The following LDLRAD4 variants were observed in gnomAD, a reference collection of about 807,000 sequenced individuals.
LDLRAD4 encodes the protein low-density lipoprotein receptor class A domain-containing protein 4.
In LDLRAD4, 5 loss-of-function variants were observed where a neutral mutation model predicts 17.0. The ratio of observed to expected loss-of-function variants is 0.29; its 90% CI spans 0.15 to 0.62. The LOEUF (loss-of-function observed/expected upper bound fraction) is 0.62, where lower values mean the gene tolerates loss of function less well. Among genes scored for constraint, LDLRAD4 ranks in the 20% least tolerant of loss-of-function variants. LDLRAD4 has a pLI of 0.84. For missense variants in LDLRAD4, 340 were observed against 424.7 expected (o/e 0.80, Z 1.75); for synonymous variants, 168 against 171.8 (o/e 0.98, Z 0.17).
At chr18:13,643,024 G>A (rs545198012) in intron 4 of LDLRAD4, among the ~76,000 whole-genome samples, 20 of 150,432 alleles carry the variant, frequency 1.3e-4, no homozygotes, top group African/African-American at 4.4e-4. Context: ...CAACCTCCGC[G>A]TCCCAGGTTT....
At chr18:13,517,951 G>A (rs1238117058) in intron 3 of LDLRAD4, among the ~76,000 whole-genome samples, 1 of 152,122 alleles carries the variant, frequency 6.6e-6, no homozygotes, top group Non-Finnish European at 1.5e-5. Flanking sequence ...TGTTAGGATG[G>A]TCTCGATCTC....
chr18:13,330,583 G>C (rs113886370), intron 1 of LDLRAD4, among the ~76,000 whole-genome samples: 12 of 152,138 alleles, frequency 7.9e-5, no homozygotes, highest in Non-Finnish European at 1.5e-5. Context: ...GTAGCCTACA[G>C]CAATTATTTG....
chr18:13,272,666 T>A (rs1599036337), intron 1 of LDLRAD4, among the ~76,000 whole-genome samples: 1 of 152,202 alleles, frequency 6.6e-6, no homozygotes, highest in Non-Finnish European at 1.5e-5. Flanking sequence ...ACACAGGCGG[T>A]CATGCTTTAG....
In LDLRAD4 at chr18:13,530,442, A is replaced by G. The variant is rs1218322495; in HGVS notation, c.182-90675A>G. Among the ~76,000 whole-genome samples, 9 of 152,254 alleles carry G rather than the reference A, an allele frequency of 5.9e-5. No homozygotes were observed. The South Asian group carries it at 1.9e-3, about 31-fold the overall frequency. The stretch of plus-strand genomic sequence containing the variant: ...CATTCCGAGGCTTTAGATAGGGAGC[A>G]GCATGATTCTAGCAGTGCTGCGTGT... On this transcript the variant is annotated intron_variant, in intron 3 of 5. Transcript: ENST00000359446.
At chr18:13,250,973 C>A (rs1244922462) in intron 1 of LDLRAD4, among the ~76,000 whole-genome samples, 1 of 152,064 alleles carries the variant, frequency 6.6e-6, no homozygotes, top group East Asian at 1.9e-4. Context: ...TGCAAAAATC[C>A]TACACAAAAT....
intron 3 of LDLRAD4, among the ~76,000 whole-genome samples, chr18:13,606,655 T>C (rs1341850681): frequency 2.6e-5 from 4 of 152,238 alleles, no homozygotes; most frequent in Non-Finnish European, 5.9e-5. Flanking sequence ...ATCAAACTAT[T>C]TCCATGTTTT....
chr18:13,544,235 T>C (rs1341309237), intron 3 of LDLRAD4, among the ~76,000 whole-genome samples: 2 of 152,180 alleles, frequency 1.3e-5, no homozygotes, highest in Admixed American at 1.3e-4. Context: ...TTTCCTGGAG[T>C]GTGATTTCCC....
chr18:13,642,921 ATTTTTTGTTTT>A (rs1402010193), intron 4 of LDLRAD4, among the ~76,000 whole-genome samples: 2 of 126,496 alleles, frequency 1.6e-5, no homozygotes, highest in African/African-American at 7.3e-5. Flanking sequence ...TTGTTTATCT[ATTTTTTGTTTT>A]TTTTTTTTCT....
chr18:13,497,478 A>G (rs959763046), intron 3 of LDLRAD4, among the ~76,000 whole-genome samples: 1 of 151,794 alleles, frequency 6.6e-6, no homozygotes, highest in Non-Finnish European at 1.5e-5. Flanking sequence ...TGGGCCTGGC[A>G]AAAGGGTGGC....
chr18:13,264,255 G>A (rs1376813541), intron 1 of LDLRAD4, among the ~76,000 whole-genome samples: 1 of 152,222 alleles, frequency 6.6e-6, no homozygotes, highest in Admixed American at 6.5e-5. Context: ...CCTGCCAGGC[G>A]GCTGCTTTAC....
intron 1 of LDLRAD4, among the ~76,000 whole-genome samples, chr18:13,298,484 T>C (rs1436260837): frequency 1.4e-5 from 2 of 139,316 alleles, no homozygotes; most frequent in Non-Finnish European, 3.0e-5. Flanking sequence ...ATGGAGCTGC[T>C]CCGGGCACGG....
intron 3 of LDLRAD4, among the ~76,000 whole-genome samples, chr18:13,453,666 G>A (rs2091966108): frequency 1.3e-5 from 2 of 152,232 alleles, no homozygotes; most frequent in Admixed American, 6.5e-5. Context: ...TGAGAGAGAC[G>A]TTGATCAGGG....
intron 1 of LDLRAD4, among the ~76,000 whole-genome samples, chr18:13,369,388 G>A (rs1213058920): frequency 6.6e-6 from 1 of 152,202 alleles, no homozygotes; most frequent in Non-Finnish European, 1.5e-5. Context: ...CGTGTGGGGA[G>A]CCTGGGGGCC....
rs1282969155 is a variant in LDLRAD4 at position 13,398,140 on chromosome 18, C to G, written c.40+10378C>G. On this transcript the variant is annotated intron_variant, in intron 2 of 5. Coordinates refer to ENST00000359446, the Ensembl canonical transcript of LDLRAD4. This position sits in a 1 kb window ranked among gnomAD's most constrained non-coding sequence, Gnocchi z 4.8. ...GATCCTCCCACTGTGGCGTTTCCTT[C>G]AGAACCGAGTTGGGGCAGGAGGGGA... Among the ~76,000 whole-genome samples the G allele has an allele frequency of 6.6e-6, 1 of 152,194 alleles. No individual in the cohort carries two copies. The highest frequency in any genetic ancestry group is 1.5e-5 in the Non-Finnish European group (1 of 68,038).
intron 1 of LDLRAD4, among the ~76,000 whole-genome samples, chr18:13,302,086 CTGTAGTTA>C: frequency 6.6e-6 from 1 of 152,248 alleles, no homozygotes; most frequent in East Asian, 1.9e-4. Flanking sequence ...GGGATAAAGG[CTGTAGTTA>C]TTTTAACAAC....
chr18:13,352,301 A>G (rs897886932), intron 1 of LDLRAD4, among the ~76,000 whole-genome samples: 1 of 152,216 alleles, frequency 6.6e-6, no homozygotes, highest in Non-Finnish European at 1.5e-5. Context: ...GAGTATTCAA[A>G]TAGGAATAGA....
At chr18:13,478,828 G>GC (rs2093012467) in intron 3 of LDLRAD4, among the ~76,000 whole-genome samples, 1 of 152,208 alleles carries the variant, frequency 6.6e-6, no homozygotes, top group Non-Finnish European at 1.5e-5. Context: ...ACACAGTACT[G>GC]AAGGGCAAGA....
At chr18:13,433,831 A>G (rs960568117) in intron 2 of LDLRAD4, among the ~76,000 whole-genome samples, 3 of 152,140 alleles carry the variant, frequency 2.0e-5, no homozygotes, top group African/African-American at 7.2e-5. Flanking sequence ...CTTTCTCTGA[A>G]TCATTCTTTT....
At chr18:13,457,903 T>C (rs1266113313) in intron 3 of LDLRAD4, among the ~76,000 whole-genome samples, 1 of 152,202 alleles carries the variant, frequency 6.6e-6, no homozygotes, top group African/African-American at 2.4e-5. Flanking sequence ...TGTCCTTCAC[T>C]GCCCCAGGGA....
Sources: allele counts gnomAD v4.1 joint callset (sites outside exome capture counted in the v4.1 genomes callset), GRCh38; gene constraint gnomAD v4.1.1; non-coding constraint Gnocchi (gnomAD v3.1); transcripts MANE v1.5; gene names NCBI Gene and HGNC (gene_info 2026-07-23, HGNC 2026-07-21).